The following QKI variants were observed in gnomAD, a reference collection of about 807,000 sequenced individuals.
QKI encodes the protein QKI, KH domain containing RNA binding, also known as KH domain-containing RNA-binding protein QKI.
A neutral mutation model predicts 39.0 loss-of-function variants in QKI; 10 were observed. The ratio of observed to expected loss-of-function variants is 0.26; its 90% CI spans 0.16 to 0.43. QKI has a LOEUF of 0.43. Among genes scored for constraint, QKI ranks in the 20% least tolerant of loss-of-function variants. The pLI is 1.00. For synonymous variants in QKI, 204 were observed against 155.4 expected (o/e 1.31, Z -2.33); for missense variants, 218 against 428.0 (o/e 0.51, Z 4.33).
rs1255798035 is a variant in QKI at position 163,576,014 on chromosome 6, A to G, written c.*5304A>G. Reference sequence around the variant, plus strand: ...CTGCCAAATGATTATTTATTTAGCAAAAATTATTCTCCAACTTTTCGAATT... The same window carrying G: ...CTGCCAAATGATTATTTATTTAGCAGAAATTATTCTCCAACTTTTCGAATT... On this transcript the variant is annotated 3_prime_UTR_variant, in exon 8 of 8. Coordinates refer to ENST00000361752, the MANE Select transcript of QKI (RefSeq NM_006775.3). The G allele has an allele frequency of 6.6e-6, 1 of 152,204 alleles. No homozygotes were observed. Among genetic ancestry groups the G allele is most frequent in the Non-Finnish European group, 1.5e-5 (1 of 68,048 alleles). 9.4% of individuals were successfully genotyped at this position (152,204 alleles called of 1,614,324 possible). A position where few individuals can be genotyped will look rare whatever the true frequency, so the allele number is the denominator to read the frequency against.
chr6:163,482,549 C>A (rs188314958), intron 3 of QKI, among the ~76,000 whole-genome samples: 23 of 152,314 alleles, frequency 1.5e-4, no homozygotes, highest in Non-Finnish European at 2.8e-4. Flanking sequence ...GACTGACCAG[C>A]TGTAAATGTG....
intron 6 of QKI, chr6:163,564,192 G>C (rs543486987): frequency 9.8e-7 from 1 of 1,018,704 alleles, no homozygotes; most frequent in Non-Finnish European, 1.2e-6. Flanking sequence ...TAATATTTGC[G>C]ATCACTTAAA....
At chr6:163,531,577 C>A (rs1185172551) in intron 3 of QKI, among the ~76,000 whole-genome samples, 2 of 152,158 alleles carry the variant, frequency 1.3e-5, no homozygotes, top group South Asian at 2.1e-4. Flanking sequence ...TAACTAGAGT[C>A]AGGTAAATTT....
At position 163,567,095 on chromosome 6, in the gene QKI, T is replaced by C. The variant is rs1053111598; in HGVS notation, c.1009+300T>C. On this transcript the variant is annotated intron_variant, in intron 7 of 7. Transcript: ENST00000361752. ...TTAAATTTTGATGTTGCCTCAGTTA[T>C]TTTCATTAATAACTTTTGCTAAAAT... is the stretch of plus-strand genomic sequence containing the variant. The C allele has an allele frequency of 1.2e-5, 13 of 1,050,530 alleles. No individual in the cohort carries two copies. In the African/African-American group the frequency reaches 2.2e-4, roughly 18 times the overall value. 65.1% of individuals were successfully genotyped at this position (1,050,530 alleles called of 1,614,324 possible).
chr6:163,561,805 A>T (rs547428572), intron 4 of QKI, among the ~76,000 whole-genome samples, 177 bp from the exon 5 acceptor site: 1 of 152,204 alleles, frequency 6.6e-6, no homozygotes, highest in Non-Finnish European at 1.5e-5. Context: ...TTACTGAGAA[A>T]ACAGAGAAAG....
At chr6:163,487,051 T>A (rs1453925234) in intron 3 of QKI, among the ~76,000 whole-genome samples, 1 of 152,224 alleles carries the variant, frequency 6.6e-6, no homozygotes, top group Non-Finnish European at 1.5e-5. Context: ...AATTCAGTCT[T>A]GTGATTGATA....
chr6:163,544,101 A>G (rs1781716600), intron 4 of QKI, among the ~76,000 whole-genome samples: 1 of 152,092 alleles, frequency 6.6e-6, no homozygotes, highest in African/African-American at 2.4e-5. Context: ...ACGTAACTAC[A>G]ACCTGCATAT....
chr6:163,432,398 C>CTT (rs536271851), intron 1 of QKI, among the ~76,000 whole-genome samples: 71 of 144,014 alleles, frequency 4.9e-4, no homozygotes, highest in Middle Eastern at 7.1e-3. Flanking sequence ...AATCCCCCCC[C>CTT]TTTTTTTTTT....
At position 163,417,564 on chromosome 6, in the gene QKI, A is replaced by T. The variant is rs1477549008; in HGVS notation, c.142+2229A>T. Among the ~76,000 whole-genome samples, 7 of 152,150 alleles carry T rather than the reference A, an allele frequency of 4.6e-5. No homozygotes were observed. The East Asian group carries it at 1.2e-3, about 25-fold the overall frequency. The stretch of plus-strand genomic sequence containing the variant: ...CAACCTTAGGCTTTAATAATTTTTA[A>T]TCTTTCAAATCCAGAAATTTCAATT... On this transcript the variant is annotated intron_variant, in intron 1 of 7. Transcript: ENST00000361752.
Position 163,570,003 on chromosome 6 carries a change from T to C in QKI, c.1010-691T>C, listed in dbSNP as rs918412705. 3 of 986,272 alleles carry C rather than the reference T, an allele frequency of 3.0e-6. No homozygotes were observed. The African/African-American group carries it at 5.2e-5, about 17-fold the overall frequency. 61.1% of individuals were successfully genotyped at this position (986,272 alleles called of 1,614,324 possible). ...AAAGTGTTGGCTAGTGCAAAAGGCC[T>C]GGCCATTTTCTGGTTCCCATGATGT... On this transcript the variant is annotated intron_variant, in intron 7 of 7. Coordinates refer to ENST00000361752, the MANE Select transcript of QKI (RefSeq NM_006775.3).
chr6:163,558,485 C>T (rs747745389), intron 4 of QKI, among the ~76,000 whole-genome samples: 11 of 151,544 alleles, frequency 7.3e-5, no homozygotes, highest in African/African-American at 1.5e-4. Flanking sequence ...CTGCAACCTC[C>T]GCCTTCCAAG....
intron 3 of QKI, among the ~76,000 whole-genome samples, chr6:163,510,430 G>A (rs908344341): frequency 1.4e-4 from 21 of 150,812 alleles, no homozygotes; most frequent in Middle Eastern, 3.2e-3. Flanking sequence ...GCATGGTGGC[G>A]CATCCCTATA....
chr6:163,474,594 A>G (rs1792443999), intron 2 of QKI, among the ~76,000 whole-genome samples: 1 of 152,030 alleles, frequency 6.6e-6, no homozygotes, highest in African/African-American at 2.4e-5. Flanking sequence ...AACAACAACA[A>G]AAGTAAAAAC....
At position 163,478,875 on chromosome 6, in the gene QKI, C is replaced by A; in HGVS notation, c.381C>A (p.Gly127=). Residue 127 remains glycine, a synonymous_variant, in exon 3 of 8, where the codon GGC becomes GGA. Coordinates refer to ENST00000361752, the MANE Select transcript of QKI (RefSeq NM_006775.3). ...GTAAAATCATGGTCCGAGGCAAAGG[C>A]TCAATGAGGGATAAAAAAAAGGTAA... The part of the protein sequence containing the change: ...TGCKIMVRGK[G]SMRDKKKEEQ... 1 of 1,611,014 alleles carries A rather than the reference C, an allele frequency of 6.2e-7. No homozygotes were observed. The highest frequency in any genetic ancestry group is 8.5e-7 in the Non-Finnish European group (1 of 1,178,656).
At chr6:163,505,061 G>C (rs879724464) in intron 3 of QKI, among the ~76,000 whole-genome samples, 6 of 152,168 alleles carry the variant, frequency 3.9e-5, no homozygotes, top group Admixed American at 6.5e-5. Flanking sequence ...GGTACAGCTT[G>C]GGCTGTTACT....
intron 2 of QKI, 113 bp from the exon 3 acceptor site, chr6:163,478,667 G>C: frequency 1.4e-6 from 1 of 699,934 alleles, no homozygotes; most frequent in South Asian, 2.1e-5. Flanking sequence ...TTTCAACTTA[G>C]TATTAAAAAG....
intron 1 of QKI, among the ~76,000 whole-genome samples, chr6:163,433,640 G>C (rs1032518718): frequency 6.6e-6 from 1 of 152,032 alleles, no homozygotes; most frequent in African/African-American, 2.4e-5. Context: ...GGTGGCACGT[G>C]CCTGTAGTCC....
At chr6:163,427,243 C>CTTTTTTTTTTT (rs11375326) in intron 1 of QKI, among the ~76,000 whole-genome samples, 4 of 85,796 alleles carry the variant, frequency 4.7e-5, no homozygotes, top group Non-Finnish European at 6.7e-5. Flanking sequence ...ATACTCGTAC[C>CTTTTTTTTTTT]TTTTTTTTTT....
chr6:163,449,269 T>C (rs79785110), intron 1 of QKI, among the ~76,000 whole-genome samples: 5,995 of 152,290 alleles, frequency 0.039, 398 homozygotes, highest in African/African-American at 0.14. Flanking sequence ...TGTGTTTATA[T>C]ATACTTGTCG....
Sources: allele counts gnomAD v4.1 joint callset (sites outside exome capture counted in the v4.1 genomes callset), GRCh38; gene constraint gnomAD v4.1.1; transcripts MANE v1.5; gene names NCBI Gene and HGNC (gene_info 2026-07-23, HGNC 2026-07-21).